Variants in SPOCK3 observed in about 807,000 individuals in gnomAD.
SPOCK3 encodes the protein SPARC (osteonectin), cwcv and kazal like domains proteoglycan 3.
In SPOCK3, 30 loss-of-function variants were observed where a neutral mutation model predicts 56.6. The observed-to-expected ratio is 0.53, with a 90% CI of 0.40 to 0.72. SPOCK3 has a LOEUF of 0.72. SPOCK3 is among the 30% of genes least tolerant of loss of function. The pLI is 0.00. For synonymous variants in SPOCK3, 196 were observed against 183.3 expected, an observed-to-expected ratio of 1.07 and a Z score of -0.56; for missense variants, 527 against 530.0, an observed-to-expected ratio of 0.99 and a Z score of 0.06.
chr4:166,880,615 A>C (rs775048927), intron 6 of SPOCK3, among the ~76,000 whole-genome samples: 1 of 152,106 alleles, frequency 6.6e-6, no homozygotes, highest in Non-Finnish European at 1.5e-5. Context: ...CAACTTTCCC[A>C]TGTCGTTTGA....
intron 3 of SPOCK3, among the ~76,000 whole-genome samples, chr4:167,035,266 G>A (rs1003592102): frequency 3.9e-5 from 6 of 152,068 alleles, no homozygotes; most frequent in Non-Finnish European, 8.8e-5. Flanking sequence ...TATTGTTGCT[G>A]TCGTGAGTTT....
intron 2 of SPOCK3, among the ~76,000 whole-genome samples, chr4:167,113,662 A>T (rs1026477200): frequency 3.9e-5 from 6 of 152,116 alleles, no homozygotes; most frequent in Non-Finnish European, 5.9e-5. Context: ...CCAAGTTTCA[A>T]GCAACAGCAG....
rs116115191 is a variant in SPOCK3 at position 167,204,674 on chromosome 4, G to A, written c.189+29311C>T. Among the ~76,000 whole-genome samples the A allele has an allele frequency of 9.4e-3, 1,429 of 151,916 alleles. 15 individuals are homozygous for A. Among genetic ancestry groups the A allele is most frequent in the Non-Finnish European group, 0.013 (892 of 67,906 alleles). ...AGCCAGACCATGTCACCCCCACACT[G>A]TGCCATTATCAGAACTCTCTTTGGT... On this transcript the variant is annotated intron_variant, in intron 2 of 10. Transcript: ENST00000357545.
At chr4:166,962,665 C>T (rs1039057970) in intron 4 of SPOCK3, among the ~76,000 whole-genome samples, 42 of 152,098 alleles carry the variant, frequency 2.8e-4, no homozygotes, top group African/African-American at 9.7e-4. Flanking sequence ...GACACTTCAG[C>T]ATTAGAAAAC....
At chr4:166,829,040 A>G (rs1579343309) in intron 6 of SPOCK3, among the ~76,000 whole-genome samples, 1 of 152,064 alleles carries the variant, frequency 6.6e-6, no homozygotes, top group Admixed American at 6.5e-5. Context: ...AATTTAAATG[A>G]TATACATAAC....
upstream of SPOCK3, chr4:167,234,502 C>T: frequency 2.9e-6 from 1 of 344,212 alleles, no homozygotes. Context: ...TGCAGCCCTG[C>T]TCTGCCAACT....
intron 4 of SPOCK3, among the ~76,000 whole-genome samples, chr4:166,956,810 T>C (rs986460616): frequency 1.3e-5 from 2 of 152,096 alleles, no homozygotes; most frequent in Non-Finnish European, 2.9e-5. Context: ...TTGAGAACCC[T>C]TCTCAACTTA....
chr4:166,872,548 A>C (rs1024009697), intron 6 of SPOCK3, among the ~76,000 whole-genome samples: 1 of 152,178 alleles, frequency 6.6e-6, no homozygotes, highest in Non-Finnish European at 1.5e-5. Context: ...AGAAACCAAG[A>C]TATCCTTCAG....
At position 167,100,434 on chromosome 4, in the gene SPOCK3, TTC is replaced by T. The variant is rs1030423979; in HGVS notation, c.190-37899_190-37898del. On this transcript the variant is annotated intron_variant, in intron 2 of 10. Coordinates refer to ENST00000357545, the MANE Select transcript of SPOCK3 (RefSeq NM_001040159.2). Reference sequence around the variant, plus strand: ...CTCTCTCTCTCTCTTCTCTCTTTCTTTCTCTCTGTCTCTCTCTCTCTCTCACA... The same window carrying T: ...CTCTCTCTCTCTCTTCTCTCTTTCTTTCTCTGTCTCTCTCTCTCTCTCACA... Among the ~76,000 whole-genome samples, 6 of 150,256 alleles carry T rather than the reference TTC, an allele frequency of 4.0e-5. No homozygotes were observed. In the East Asian group the frequency reaches 5.9e-4, roughly 15 times the overall value.
intron 2 of SPOCK3, among the ~76,000 whole-genome samples, chr4:167,171,912 T>A: frequency 7.1e-6 from 1 of 141,596 alleles, no homozygotes; most frequent in African/African-American, 2.6e-5. Flanking sequence ...CACCCCCCAC[T>A]CCCCCCATAA....
chr4:166,917,383 A>T (rs1737976997), intron 4 of SPOCK3, among the ~76,000 whole-genome samples: 1 of 152,030 alleles, frequency 6.6e-6, no homozygotes, highest in Non-Finnish European at 1.5e-5. Flanking sequence ...TCCTCACCCA[A>T]ATCTCATCTT....
intron 2 of SPOCK3, among the ~76,000 whole-genome samples, chr4:167,210,546 G>A (rs34327549): frequency 0.03 from 4,574 of 152,134 alleles, 107 homozygotes; most frequent in Middle Eastern, 0.076. Context: ...CAATCTCAAT[G>A]ATTATTTAAT....
chr4:166,856,207 G>C (rs540268256), intron 6 of SPOCK3, among the ~76,000 whole-genome samples: 1 of 151,880 alleles, frequency 6.6e-6, no homozygotes, highest in Non-Finnish European at 1.5e-5. Context: ...GGTAGAAATA[G>C]GGGAGAAGTT....
intron 2 of SPOCK3, among the ~76,000 whole-genome samples, chr4:167,169,861 G>A (rs983498709): frequency 3.9e-5 from 6 of 152,032 alleles, no homozygotes; most frequent in South Asian, 2.1e-4. Flanking sequence ...TACTATTCTC[G>A]TGGTAATGAA....
In SPOCK3 at chr4:167,083,194, A is replaced by T. The variant is rs765874803; in HGVS notation, c.190-20657T>A. On this transcript the variant is annotated intron_variant, in intron 2 of 10. Coordinates refer to ENST00000357545, the MANE Select transcript of SPOCK3 (RefSeq NM_001040159.2). Reference sequence around the variant, plus strand: ...AAGATGTATTGAGATAGCTAGTCATAGAATTGCCACAAAATTTCTGTCGAC... The same window carrying T: ...AAGATGTATTGAGATAGCTAGTCATTGAATTGCCACAAAATTTCTGTCGAC... The T allele has an allele frequency of 5.2e-6, 4 of 765,130 alleles. No individual in the cohort carries two copies. The East Asian group carries it at 9.7e-5, about 19-fold the overall frequency. 47.4% of individuals were successfully genotyped at this position (765,130 alleles called of 1,614,324 possible).
intron 2 of SPOCK3, among the ~76,000 whole-genome samples, chr4:167,185,098 G>A (rs190238693): frequency 1.4e-3 from 208 of 152,254 alleles, no homozygotes; most frequent in African/African-American, 4.7e-3. Flanking sequence ...TTCTACCTCT[G>A]TGTTAATAGA....
At chr4:166,840,502 C>A (rs1747123653) in intron 6 of SPOCK3, among the ~76,000 whole-genome samples, 1 of 152,140 alleles carries the variant, frequency 6.6e-6, no homozygotes, top group Non-Finnish European at 1.5e-5. Flanking sequence ...TTTATCTGTG[C>A]TCATCATATC....
At chr4:166,950,969 C>A (rs1218847758) in intron 4 of SPOCK3, among the ~76,000 whole-genome samples, 4 of 127,366 alleles carry the variant, frequency 3.1e-5, no homozygotes, top group Admixed American at 1.5e-4. Flanking sequence ...ACTAAATGCC[C>A]ACAAGAGAAA....
intron 2 of SPOCK3, among the ~76,000 whole-genome samples, chr4:167,101,958 A>T (rs1414415378): frequency 1.3e-5 from 2 of 151,812 alleles, no homozygotes; most frequent in African/African-American, 4.8e-5. Flanking sequence ...TTGGGCTCCC[A>T]AAGTGCTGGG....
Sources: gnomAD v4.1 joint callset for allele counts (sites outside exome capture counted in the v4.1 genomes callset) on GRCh38, gnomAD v4.1.1 for gene constraint, MANE v1.5 for transcripts, NCBI Gene and HGNC (gene_info 2026-07-23, HGNC 2026-07-21) for gene names.